Variants in TBC1D8B observed in about 807,000 individuals in gnomAD.
The protein encoded by TBC1D8B is TBC1 domain family member 8B, also known as RP11-321G1.1.
A neutral mutation model predicts 82.9 loss-of-function variants in TBC1D8B; 75 were observed. That is an observed-to-expected ratio of 0.90 (90% CI 0.75 to 1.10). TBC1D8B has a LOEUF of 1.10. Among genes scored for constraint, TBC1D8B ranks in the 50% least tolerant of loss-of-function variants. The pLI, the probability that TBC1D8B is intolerant of heterozygous loss-of-function variation, is 0.00. For missense variants in TBC1D8B, 794 were observed against 796.9 expected, an observed-to-expected ratio of 1.00 and a Z score of 0.04; for synonymous variants, 276 against 276.8, an observed-to-expected ratio of 1.00 and a Z score of 0.03.
chrX:106,825,904 A>G (rs1358073679), intron 5 of TBC1D8B, 126 bp from the exon 6 acceptor site: 2 of 466,568 alleles, frequency 4.3e-6, no homozygotes, highest in Non-Finnish European at 6.7e-6. Flanking sequence ...GTTGAAAAAT[A>G]TAGCATTTTT....
At position 106,848,238 on chromosome X, in the gene TBC1D8B, CT is replaced by C; in HGVS notation, c.1777del (p.Trp593GlyfsTer40). 8.4e-7 allele frequency: 1 copy of C among 1,195,944 alleles called. No homozygotes were observed. Among genetic ancestry groups the C allele is most frequent in the Non-Finnish European group, 1.1e-6 (1 of 885,610 alleles). On this transcript the variant is annotated frameshift_variant, in exon 11 of 21. Transcript: ENST00000357242. LOFTEE classifies it high-confidence loss of function. ...VLLLYAKEEE[A>X]FWLLVAVCER... Reference sequence around the variant, plus strand: ...CTTCTATATGCAAAAGAGGAAGAAGCTTTTTGGCTTCTGGTTGCTGTATGTG... The same window carrying C: ...CTTCTATATGCAAAAGAGGAAGAAGCTTTTGGCTTCTGGTTGCTGTATGTG...
At chrX:106,838,916 A>G (rs752193703) in intron 7 of TBC1D8B, among the ~76,000 whole-genome samples, 1 of 111,693 alleles carries the variant, frequency 9.0e-6, no homozygotes, top group Non-Finnish European at 1.9e-5. Flanking sequence ...GCTGGCTTTC[A>G]TTTCTGAGCT....
At chrX:106,824,641 C>A (rs1307217369) in intron 5 of TBC1D8B, among the ~76,000 whole-genome samples, 2 of 110,900 alleles carry the variant, frequency 1.8e-5, no homozygotes, top group African/African-American at 3.3e-5. Context: ...CATTTTATTT[C>A]CCTTAAAATA....
At chrX:106,863,072 G>A (rs997489411) in intron 14 of TBC1D8B, among the ~76,000 whole-genome samples, 1 of 111,396 alleles carries the variant, frequency 9.0e-6, no homozygotes, top group African/African-American at 3.3e-5. Context: ...GGGTGGTGGC[G>A]GTGGAATCCA....
Position 106,865,908 on chromosome X carries a change from T to C in TBC1D8B, c.2537T>C (p.Leu846Ser), listed in dbSNP as rs756168279. The C allele has an allele frequency of 2.1e-5, 25 of 1,209,527 alleles. No homozygotes were observed. Among genetic ancestry groups the C allele is most frequent in the Non-Finnish European group, 2.7e-5 (24 of 895,105 alleles). The change falls in exon 16 of 21, where the codon TTG becomes TCG. Residue 846 changes from leucine (L) to serine (S), a missense_variant. Transcript: ENST00000357242. ...ATTGACTGCCAGCAGTTCAGAGCGTTGTATCACTTGTTGAGTCCCTGGGCT... is the reference window on the plus strand; with the variant it reads ...ATTGACTGCCAGCAGTTCAGAGCGTCGTATCACTTGTTGAGTCCCTGGGCT... ...YQIDCQQFRA[L>S]YHLLSPWAHS...
chrX:106,850,812 T>A (rs2147761538), intron 12 of TBC1D8B, among the ~76,000 whole-genome samples: 1 of 111,893 alleles, frequency 8.9e-6, no homozygotes, highest in East Asian at 2.8e-4. Context: ...TGAATAAATT[T>A]GAGTGGGCAA....
intron 7 of TBC1D8B, chrX:106,828,869 T>G (rs1458402855): frequency 2.8e-5 from 3 of 107,938 alleles, no homozygotes; most frequent in Non-Finnish European, 5.6e-5. Context: ...GCATTCCCTT[T>G]TGAAAACTGG....
In TBC1D8B at chrX:106,818,745, T is replaced by G; in HGVS notation, c.213T>G (p.Asp71Glu). 2 of 1,205,902 alleles carry G rather than the reference T, an allele frequency of 1.7e-6. No individual in the cohort carries two copies. The highest frequency in any genetic ancestry group is 2.2e-6 in the Non-Finnish European group (2 of 891,556). ...APFRILHQTP[D>E]SQVYLSIACG... ...TTCGCATCCTACACCAGACACCAGA[T>G]TCTCAAGTTTACTTGTCAATTGCAT... Residue 71 changes from aspartate to glutamate, a missense_variant, in exon 2 of 21, where the codon GAT becomes GAG. By Grantham distance (45) the Asp-to-Glu change is conservative. Transcript: ENST00000357242.
At chrX:106,810,760 G>C (rs935026954) in intron 1 of TBC1D8B, among the ~76,000 whole-genome samples, 3 of 111,896 alleles carry the variant, frequency 2.7e-5, no homozygotes, top group African/African-American at 9.7e-5. Context: ...AGAGAGGGCA[G>C]ATCACACTGT....
chrX:106,823,445 A>G lies in TBC1D8B; in HGVS notation c.806A>G (p.Asn269Ser). 8.3e-7 allele frequency: 1 copy of G among 1,208,934 alleles called. No individual in the cohort carries two copies. The highest frequency in any genetic ancestry group is 1.8e-5 in the South Asian group (1 of 56,722). Residue 269 changes from asparagine (N) to serine (S), a missense_variant, in exon 5 of 21, where the codon AAT (asparagine) becomes AGT (serine). Coordinates refer to ENST00000357242, the MANE Select transcript of TBC1D8B (RefSeq NM_017752.3). ...ETFDNDPVLYNPLQITKRGLE... is the reference protein window; with the variant it reads ...ETFDNDPVLYSPLQITKRGLE... ...TTTGATAATGACCCAGTCCTTTATA[A>G]TCCTCTACAGATCACCAAAAGGTAT...
chrX:106,854,584 G>A (rs180902447), intron 14 of TBC1D8B, among the ~76,000 whole-genome samples: 174 of 110,959 alleles, frequency 1.6e-3, no homozygotes, highest in East Asian at 0.014. Flanking sequence ...CATGATCGCA[G>A]CTCACTGTAG....
At chrX:106,814,898 T>A (rs1304796033) in intron 1 of TBC1D8B, 2 of 111,933 alleles carry the variant, frequency 1.8e-5, no homozygotes, top group African/African-American at 6.5e-5. Context: ...GGGTTGTTTG[T>A]TTTTTTCTTC....
chrX:106,860,216 G>A (rs1008678829), intron 14 of TBC1D8B, among the ~76,000 whole-genome samples: 4 of 110,876 alleles, frequency 3.6e-5, no homozygotes, highest in Non-Finnish European at 7.5e-5. Flanking sequence ...AAAAGAATGC[G>A]TTAAGGAGGA....
intron 1 of TBC1D8B, among the ~76,000 whole-genome samples, chrX:106,817,036 T>A (rs1449796755): frequency 1.8e-5 from 2 of 111,626 alleles, no homozygotes; most frequent in African/African-American, 6.5e-5. Context: ...TGGTTTATAA[T>A]TGAATTAAAT....
chrX:106,826,121 T>C lies in TBC1D8B; in HGVS notation c.919T>C (p.Leu307=), dbSNP rs1457927349. 1 of 1,208,481 alleles carries C rather than the reference T, an allele frequency of 8.3e-7. No homozygotes were observed. Among genetic ancestry groups the C allele is most frequent in the Non-Finnish European group, 1.1e-6 (1 of 894,134 alleles). The part of the protein sequence containing the change: ...ESLKEVHECF[L]WVPFSHFNTH... ...TTTGAAAGAAGTACATGAATGTTTC[T>C]TATGGGTACCATTCAGCCACTTCAA... The change falls in exon 6 of 21, where the codon TTA becomes CTA. Residue 307 remains leucine, a synonymous_variant. Coordinates refer to ENST00000357242, the MANE Select transcript of TBC1D8B (RefSeq NM_017752.3).
At chrX:106,859,940 A>G (rs1485978749) in intron 14 of TBC1D8B, among the ~76,000 whole-genome samples, 1 of 112,070 alleles carries the variant, frequency 8.9e-6, no homozygotes, top group African/African-American at 3.2e-5. Flanking sequence ...TTCTGCATCT[A>G]TTGAGACGAT....
rs766648793 is a variant in TBC1D8B, at chrX:106,823,414, G to A, written c.775G>A (p.Glu259Lys). ...NYAIRRLFDK[E>K]TFDNDPVLYN... ...TGCCATTAGAAGACTTTTTGATAAG[G>A]AAACATTTGATAATGACCCAGTCCT... is the stretch of plus-strand genomic sequence containing the variant. Residue 259 changes from glutamate (E) to lysine (K), a missense_variant, in exon 5 of 21, where the codon GAA (glutamate) becomes AAA (lysine). Transcript: ENST00000357242. 8.3e-7 allele frequency: 1 copy of A among 1,210,046 alleles called. No homozygotes were observed. Among genetic ancestry groups the A allele is most frequent in the East Asian group, 3.0e-5 (1 of 33,737 alleles).
intron 10 of TBC1D8B, among the ~76,000 whole-genome samples, chrX:106,841,934 C>T (rs1441396975): frequency 9.0e-6 from 1 of 111,511 alleles, no homozygotes; most frequent in Non-Finnish European, 1.9e-5. Flanking sequence ...ATCTTAGTCA[C>T]GTGGATACAC....
At chrX:106,816,639 T>C (rs1931548433) in intron 1 of TBC1D8B, among the ~76,000 whole-genome samples, 1 of 111,423 alleles carries the variant, frequency 9.0e-6, no homozygotes, top group Admixed American at 9.6e-5. Flanking sequence ...TTGAACTTTT[T>C]TTCATATCAG....
Sources: gnomAD v4.1 joint callset for allele counts (sites outside exome capture counted in the v4.1 genomes callset) on GRCh38, gnomAD v4.1.1 for gene constraint, MANE v1.5 for transcripts, NCBI Gene and HGNC (gene_info 2026-07-23, HGNC 2026-07-21) for gene names.